Variants in TRPM3 observed in about 807,000 individuals in gnomAD.
TRPM3 encodes long transient receptor potential channel 3.
Under a neutral mutation model 181.2 loss-of-function variants are expected in TRPM3, and 77 were observed. The observed-to-expected ratio is 0.42, with a 90% confidence interval of 0.35 to 0.51. The LOEUF (loss-of-function observed/expected upper bound fraction) is 0.51, where lower values mean the gene tolerates loss of function less well. Ranked by LOEUF, TRPM3 falls within the 20% of genes least tolerant of loss-of-function variation. The pLI, the probability that TRPM3 is intolerant of heterozygous loss-of-function variation, is 0.01. For missense variants in TRPM3, 1,759 were observed against 2,196.7 expected (o/e 0.80, Z 3.98); for synonymous variants, 745 against 796.4 (o/e 0.94, Z 1.09).
intron 1 of TRPM3, among the ~76,000 whole-genome samples, chr9:70,993,301 G>T (rs1351593796): frequency 6.6e-6 from 1 of 152,182 alleles, no homozygotes; most frequent in African/African-American, 2.4e-5. Flanking sequence ...TTACAGTACA[G>T]GTGTGAGGTG....
intron 7 of TRPM3, among the ~76,000 whole-genome samples, chr9:70,772,000 G>A (rs2080369631): frequency 6.6e-6 from 1 of 152,102 alleles, no homozygotes; most frequent in South Asian, 2.1e-4. Context: ...CATAGTAGGT[G>A]TTCAAAAAAT....
chr9:71,378,973 T>G (rs1013069947), intron 1 of TRPM3, among the ~76,000 whole-genome samples: 2 of 152,030 alleles, frequency 1.3e-5, no homozygotes, highest in African/African-American at 4.8e-5. Flanking sequence ...CCATGTGCTA[T>G]GGGTTTGAAG....
chr9:70,550,090 T>A (rs1019127811), intron 24 of TRPM3, among the ~76,000 whole-genome samples: 2 of 152,204 alleles, frequency 1.3e-5, no homozygotes, highest in Admixed American at 6.5e-5. Flanking sequence ...TTCTCCTTTT[T>A]CCCTTTCCTG....
At chr9:71,056,934 A>T (rs2060736868) in intron 1 of TRPM3, among the ~76,000 whole-genome samples, 1 of 152,030 alleles carries the variant, frequency 6.6e-6, no homozygotes, top group South Asian at 2.1e-4. Flanking sequence ...AAATCGTATC[A>T]ATGTATTGAC....
chr9:71,168,620 A>T (rs1419773192), intron 1 of TRPM3, among the ~76,000 whole-genome samples: 8 of 74,542 alleles, frequency 1.1e-4, no homozygotes, highest in Non-Finnish European at 1.4e-4. Context: ...TTTTTTTATT[A>T]TTATTTTTTT....
At chr9:71,299,211 C>T (rs777318507) in intron 1 of TRPM3, among the ~76,000 whole-genome samples, 19 of 152,168 alleles carry the variant, frequency 1.2e-4, no homozygotes, top group Non-Finnish European at 2.4e-4. Flanking sequence ...AACCAAAGAA[C>T]ATTAGGACTC....
At chr9:70,795,912 C>T (rs2086899916) in intron 6 of TRPM3, among the ~76,000 whole-genome samples, 8 of 152,214 alleles carry the variant, frequency 5.3e-5, no homozygotes, top group Admixed American at 5.2e-4. Flanking sequence ...TGGCCAATCC[C>T]TTGGGCTGTA....
At chr9:70,950,207 T>C (rs1049181326) in intron 1 of TRPM3, among the ~76,000 whole-genome samples, 2 of 152,188 alleles carry the variant, frequency 1.3e-5, no homozygotes, top group African/African-American at 4.8e-5. Flanking sequence ...ATATGCAAAA[T>C]GACTTTCTTT....
chr9:71,354,364 G>A lies in TRPM3; in HGVS notation c.183+92289C>T, dbSNP rs1356495693. Among the ~76,000 whole-genome samples the A allele has an allele frequency of 3.9e-5, 6 of 151,994 alleles. No homozygotes were observed. The East Asian group carries it at 5.8e-4, about 15-fold the overall frequency. On this transcript the variant is annotated intron_variant, in intron 1 of 24. Coordinates refer to the TRPM3 transcript ENST00000357533. The stretch of plus-strand genomic sequence containing the variant: ...TTGGCAGACCCCAAAGATACTCCCC[G>A]CATCCCATCCACCCACACACTCATT...
chr9:70,967,400 T>C (rs1288100412), intron 1 of TRPM3, among the ~76,000 whole-genome samples: 1 of 151,894 alleles, frequency 6.6e-6, no homozygotes, highest in East Asian at 1.9e-4. Context: ...ATGTTTTTTT[T>C]TAAATTTTTT....
chr9:71,280,859 C>A (rs932286520), intron 1 of TRPM3, among the ~76,000 whole-genome samples: 2 of 152,342 alleles, frequency 1.3e-5, no homozygotes, highest in South Asian at 4.1e-4. Context: ...CAAGGAGGAA[C>A]TCTCTGATCA....
chr9:70,628,048 T>G (rs2064989532), intron 12 of TRPM3, among the ~76,000 whole-genome samples: 1 of 152,226 alleles, frequency 6.6e-6, no homozygotes, highest in Non-Finnish European at 1.5e-5. Context: ...AAAACTAAAC[T>G]GAGTTTAAAA....
At chr9:70,792,079 C>T (rs1588413946) in intron 6 of TRPM3, among the ~76,000 whole-genome samples, 2 of 152,272 alleles carry the variant, frequency 1.3e-5, no homozygotes, top group East Asian at 3.9e-4. Flanking sequence ...CTCATGGTGT[C>T]CGCCCTATCC....
At chr9:70,620,687 A>C (rs1206783010) in intron 15 of TRPM3, among the ~76,000 whole-genome samples, 1 of 152,196 alleles carries the variant, frequency 6.6e-6, no homozygotes, top group Non-Finnish European at 1.5e-5. Context: ...AATGATGGAC[A>C]GCACTACCCT....
intron 4 of TRPM3, among the ~76,000 whole-genome samples, chr9:70,845,375 G>T (rs948365586): frequency 6.6e-5 from 10 of 152,026 alleles, no homozygotes; most frequent in Admixed American, 1.3e-4. Context: ...GAGTAGCTGG[G>T]ACTACAGGCA....
chr9:70,977,392 C>T (rs2097315161), intron 1 of TRPM3, among the ~76,000 whole-genome samples: 1 of 152,360 alleles, frequency 6.6e-6, no homozygotes. Context: ...CATTGGCCTC[C>T]CAAAGTGCTG....
intron 1 of TRPM3, among the ~76,000 whole-genome samples, chr9:70,907,690 C>A (rs188631414): frequency 6.6e-6 from 1 of 152,262 alleles, no homozygotes; most frequent in East Asian, 1.9e-4. Flanking sequence ...GTTTTCCAAC[C>A]CTTCATTCCC....
rs147495117 is a variant in TRPM3, at chr9:70,794,039, C to T, written c.974-9760G>A. ...GGACATAACCCCATCATAATTGGAG[C>T]AGCGTCTGTACTTGGACTTGAGGGT... On this transcript the variant is annotated intron_variant, in intron 6 of 25. Transcript: ENST00000677713. 8.8e-3 allele frequency among the ~76,000 whole-genome samples: 1,334 copies of T among 152,126 alleles called. 13 individuals carry two copies. Among genetic ancestry groups the T allele is most frequent in the Non-Finnish European group, 0.014 (939 of 67,996 alleles).
At chr9:71,287,592 CA>C in intron 1 of TRPM3, among the ~76,000 whole-genome samples, 1 of 133,418 alleles carries the variant, frequency 7.5e-6, no homozygotes, top group African/African-American at 2.8e-5. Context: ...CTTCAATGTA[CA>C]AAAAAACTAC....
Sources: gnomAD v4.1 joint callset for allele counts (sites outside exome capture counted in the v4.1 genomes callset) on GRCh38, gnomAD v4.1.1 for gene constraint, MANE v1.5 for transcripts, NCBI Gene and HGNC (gene_info 2026-07-23, HGNC 2026-07-21) for gene names.